The following SUSD6 variants were observed in gnomAD, a reference collection of about 807,000 sequenced individuals.
SUSD6 encodes the protein sushi domain containing 6, also known as sushi domain-containing protein 6.
Under a neutral mutation model 28.4 loss-of-function variants are expected in SUSD6, and 16 were observed. The ratio of observed to expected loss-of-function variants is 0.56; its 90% CI spans 0.38 to 0.86. The LOEUF is 0.86. Among genes scored for constraint, SUSD6 ranks in the 40% least tolerant of loss-of-function variants. The pLI is 0.00. For synonymous variants in SUSD6, 147 were observed against 159.6 expected, an observed-to-expected ratio of 0.92 and a Z score of 0.59; for missense variants, 341 against 384.2, an observed-to-expected ratio of 0.89 and a Z score of 0.94.
intron 1 of SUSD6, among the ~76,000 whole-genome samples, chr14:69,641,469 T>A (rs751898671): frequency 4.6e-5 from 7 of 152,218 alleles, no homozygotes; most frequent in Non-Finnish European, 8.8e-5. Flanking sequence ...TTTTGGATAA[T>A]TTCTTTTGCA....
intron 2 of SUSD6, among the ~76,000 whole-genome samples, chr14:69,700,969 G>A (rs964280429): frequency 2.6e-5 from 4 of 152,118 alleles, no homozygotes; most frequent in African/African-American, 7.2e-5. Context: ...ATACTGGAGA[G>A]TATGTTTATA....
At chr14:69,668,392 T>C (rs1370485110) in intron 2 of SUSD6, among the ~76,000 whole-genome samples, 2 of 152,084 alleles carry the variant, frequency 1.3e-5, no homozygotes, top group Non-Finnish European at 2.9e-5. Flanking sequence ...CCCAGCACTT[T>C]GGGAGGCTGA....
intron 2 of SUSD6, among the ~76,000 whole-genome samples, chr14:69,699,638 C>T (rs371161096): frequency 1.3e-5 from 2 of 151,404 alleles, no homozygotes; most frequent in African/African-American, 4.9e-5. Flanking sequence ...TTTTCTATGA[C>T]CTTCATAGAT....
At chr14:69,648,579 A>C (rs947176847) in intron 1 of SUSD6, among the ~76,000 whole-genome samples, 2 of 152,178 alleles carry the variant, frequency 1.3e-5, no homozygotes, top group African/African-American at 4.8e-5. Context: ...TCCCAGACTG[A>C]CTGGGAATGT....
intron 2 of SUSD6, among the ~76,000 whole-genome samples, chr14:69,677,076 T>C (rs1350568578): frequency 6.6e-6 from 1 of 152,170 alleles, no homozygotes; most frequent in Non-Finnish European, 1.5e-5. Flanking sequence ...ACTAAGAGTG[T>C]TTAGGATGAA....
At chr14:69,684,111 C>G (rs1368312254) in intron 2 of SUSD6, among the ~76,000 whole-genome samples, 1 of 152,162 alleles carries the variant, frequency 6.6e-6, no homozygotes, top group East Asian at 1.9e-4. Flanking sequence ...TCCTAGCGGA[C>G]CCAGTGGGGT....
intron 4 of SUSD6, among the ~76,000 whole-genome samples, chr14:69,705,323 AAAAAAAAAAC>A (rs200603452): frequency 0.031 from 4,743 of 151,470 alleles, 94 homozygotes; most frequent in Middle Eastern, 0.068. Context: ...GTCCCATTAA[AAAAAAAAAAC>A]AAAAAAAAAC....
chr14:69,654,542 A>G (rs892829201), intron 1 of SUSD6, among the ~76,000 whole-genome samples: 6 of 152,096 alleles, frequency 3.9e-5, no homozygotes, highest in African/African-American at 9.7e-5. Context: ...AGAGGGAGCA[A>G]TTAGGTTTTT....
intron 2 of SUSD6, among the ~76,000 whole-genome samples, chr14:69,665,312 C>G (rs1885723180): frequency 6.6e-6 from 1 of 152,164 alleles, no homozygotes; most frequent in South Asian, 2.1e-4. Context: ...TCTGTCACAG[C>G]TCACCGCAAC....
At chr14:69,710,861 A>G in intron 5 of SUSD6, 93 bp from the exon 6 acceptor site, 1 of 1,191,964 alleles carries the variant, frequency 8.4e-7, no homozygotes, top group Non-Finnish European at 1.3e-6. Flanking sequence ...ATTAGGGGCT[A>G]TGTAGGATAG....
chr14:69,680,073 G>C (rs1022398674), intron 2 of SUSD6, among the ~76,000 whole-genome samples: 1 of 152,178 alleles, frequency 6.6e-6, no homozygotes, highest in African/African-American at 2.4e-5. Flanking sequence ...GCATTTTGCA[G>C]AGTTCAGCAG....
intron 2 of SUSD6, among the ~76,000 whole-genome samples, chr14:69,703,011 C>T (rs1267792131): frequency 6.6e-6 from 1 of 152,130 alleles, no homozygotes; most frequent in African/African-American, 2.4e-5. Context: ...GAAACAAGGC[C>T]AACATTTTTC....
chr14:69,657,304 A>C (rs1426448104), intron 1 of SUSD6, among the ~76,000 whole-genome samples: 1 of 152,144 alleles, frequency 6.6e-6, no homozygotes, highest in Non-Finnish European at 1.5e-5. Flanking sequence ...AAAATACAAA[A>C]ATTAGCTGGG....
At chr14:69,675,615 A>T (rs1332990140) in intron 2 of SUSD6, among the ~76,000 whole-genome samples, 1 of 152,164 alleles carries the variant, frequency 6.6e-6, no homozygotes, top group Admixed American at 6.5e-5. Flanking sequence ...AATAGCAGGT[A>T]GCAATAGCTG....
At chr14:69,628,296 A>G (rs1170623521) in intron 1 of SUSD6, among the ~76,000 whole-genome samples, 1 of 152,134 alleles carries the variant, frequency 6.6e-6, no homozygotes, top group Non-Finnish European at 1.5e-5. Flanking sequence ...CACGTGGGTC[A>G]TTTGTGGTGG....
At chr14:69,647,933 C>T (rs982805791) in intron 1 of SUSD6, among the ~76,000 whole-genome samples, 3 of 151,896 alleles carry the variant, frequency 2.0e-5, no homozygotes, top group East Asian at 1.9e-4. Context: ...TGCCGTGAGC[C>T]GAGATTGCGC....
rs568222804 is a variant in SUSD6, at chr14:69,665,296, A to G, written c.121+6583A>G. Reference sequence around the variant, plus strand: ...CACTCAGTTGCCCAGGTTGGAGTGCAGTGGCTCTGTCACAGCTCACCGCAA... The same window carrying G: ...CACTCAGTTGCCCAGGTTGGAGTGCGGTGGCTCTGTCACAGCTCACCGCAA... On this transcript the variant is annotated intron_variant, in intron 2 of 5. Coordinates refer to ENST00000342745, the MANE Select transcript of SUSD6 (RefSeq NM_014734.4). Among the ~76,000 whole-genome samples, 9 of 152,256 alleles carry G rather than the reference A, an allele frequency of 5.9e-5. No homozygotes were observed. In the East Asian group the frequency reaches 9.6e-4, roughly 16 times the overall value.
At chr14:69,618,200 A>C (rs1884986693) in intron 1 of SUSD6, among the ~76,000 whole-genome samples, 1 of 152,238 alleles carries the variant, frequency 6.6e-6, no homozygotes, top group African/African-American at 2.4e-5. Context: ...CACATGATGG[A>C]GAATTCCACA....
chr14:69,620,934 C>G (rs1349641651), intron 1 of SUSD6, among the ~76,000 whole-genome samples: 1 of 152,180 alleles, frequency 6.6e-6, no homozygotes, highest in East Asian at 1.9e-4. Context: ...TCTTCCATCT[C>G]CCTCAAGCCT....
Sources: allele counts gnomAD v4.1 joint callset (sites outside exome capture counted in the v4.1 genomes callset), GRCh38; gene constraint gnomAD v4.1.1; transcripts MANE v1.5; gene names NCBI Gene and HGNC (gene_info 2026-07-23, HGNC 2026-07-21).